The following SEPTIN9 variants were observed in gnomAD, a reference collection of about 807,000 sequenced individuals.
The protein encoded by SEPTIN9 is septin-9.
In SEPTIN9, 13 loss-of-function variants were observed where a neutral mutation model predicts 56.6. That is an observed-to-expected ratio of 0.23 (90% CI 0.15 to 0.37). The LOEUF (loss-of-function observed/expected upper bound fraction) is 0.37, where lower values mean the gene tolerates loss of function less well. Ranked by LOEUF, SEPTIN9 falls within the 10% of genes least tolerant of loss-of-function variation. The pLI is 1.00. For synonymous variants in SEPTIN9, 332 were observed against 334.1 expected (o/e 0.99, Z 0.07); for missense variants, 650 against 823.1 (o/e 0.79, Z 2.57).
At chr17:77,489,370 C>G (rs1218488012) in intron 7 of SEPTIN9, among the ~76,000 whole-genome samples, 1 of 152,180 alleles carries the variant, frequency 6.6e-6, no homozygotes, top group African/African-American at 2.4e-5. Context: ...CGGCTCTGTC[C>G]GCACCTGACG....
intron 2 of SEPTIN9, among the ~76,000 whole-genome samples, chr17:77,379,555 T>C (rs187953370): frequency 1.7e-3 from 261 of 152,226 alleles, no homozygotes; most frequent in Non-Finnish European, 3.0e-3. Flanking sequence ...AGAGCAGAAC[T>C]AGGGTCTCCT....
chr17:77,484,617 T>TG (rs758687118), intron 4 of SEPTIN9, among the ~76,000 whole-genome samples: 2 of 148,818 alleles, frequency 1.3e-5, no homozygotes, highest in African/African-American at 5.0e-5. Flanking sequence ...GTGATGGTGG[T>TG]GATGGGGATG....
Position 77,329,932 on chromosome 17 carries a change from G to A in SEPTIN9, c.76+22735G>A, listed in dbSNP as rs373757004. 6.6e-5 allele frequency among the ~76,000 whole-genome samples: 10 copies of A among 152,268 alleles called. No homozygotes were observed. The highest frequency in any genetic ancestry group is 6.2e-4 in the South Asian group (3 of 4,826). On this transcript the variant is annotated intron_variant, in intron 2 of 11. Transcript: ENST00000427177. The surrounding 1 kb of genome is among the most constrained non-coding windows in gnomAD (Gnocchi z 4.3). ...AGGTCTCCAGACTTGGGGTGGCTTCGGACTGGCCAGGCAGGTGGGTGGGGG... is the reference window on the plus strand; with the variant it reads ...AGGTCTCCAGACTTGGGGTGGCTTCAGACTGGCCAGGCAGGTGGGTGGGGG...
chr17:77,417,121 C>G (rs1240327903), intron 3 of SEPTIN9, among the ~76,000 whole-genome samples: 1 of 152,198 alleles, frequency 6.6e-6, no homozygotes, highest in African/African-American at 2.4e-5. Flanking sequence ...CTCAGTTTCC[C>G]CATTTATAGA....
chr17:77,492,974 C>A lies in SEPTIN9; in HGVS notation c.1477-6C>A. 1.3e-6 allele frequency: 2 copies of A among 1,561,942 alleles called. No homozygotes were observed. The highest frequency in any genetic ancestry group is 1.7e-6 in the Non-Finnish European group (2 of 1,153,080). On this transcript the variant is annotated splice_region_variant and splice_polypyrimidine_tract_variant and intron_variant, in intron 9 of 11. Transcript: ENST00000427177. This position sits in a 1 kb window ranked among gnomAD's most constrained non-coding sequence, Gnocchi z 5.4. Reference sequence around the variant, plus strand: ...GTGTAACCAATACCGTCTGCCCGTTCCCCAGGAGATGATCCCATTTGCTGT... The same window carrying A: ...GTGTAACCAATACCGTCTGCCCGTTACCCAGGAGATGATCCCATTTGCTGT...
intron 2 of SEPTIN9, among the ~76,000 whole-genome samples, chr17:77,392,810 AC>A (rs1486259196): frequency 6.6e-6 from 1 of 151,960 alleles, no homozygotes; most frequent in Non-Finnish European, 1.5e-5. Context: ...CTGTCCCTAA[AC>A]AAATGTGGCT....
chr17:77,405,771 C>T lies in SEPTIN9; in HGVS notation c.721+3068C>T, dbSNP rs144970279. On this transcript the variant is annotated intron_variant, in intron 3 of 11. Transcript: ENST00000427177. This position sits in a 1 kb window ranked among gnomAD's most constrained non-coding sequence, Gnocchi z 5.8. The stretch of plus-strand genomic sequence containing the variant: ...TTCTCCGTCCTCCCTCTCTGTGTCA[C>T]GACCGTTCTGGACACGGATCCAGTT... Among the ~76,000 whole-genome samples the T allele has an allele frequency of 2.3e-4, 35 of 152,292 alleles. No homozygotes were observed. The highest frequency in any genetic ancestry group is 8.4e-4 in the African/African-American group (35 of 41,556).
chr17:77,466,487 C>T lies in SEPTIN9; in HGVS notation c.722-15657C>T, dbSNP rs1415055829. The T allele has an allele frequency of 1.7e-5, 17 of 985,372 alleles. No homozygotes were observed. In the South Asian group the frequency reaches 1.9e-4, roughly 11 times the overall value. 61.0% of individuals were successfully genotyped at this position (985,372 alleles called of 1,614,324 possible). A position where few individuals can be genotyped will look rare whatever the true frequency, so the allele number is the denominator to read the frequency against. Reference sequence around the variant, plus strand: ...CCTGTGTTAGCTGCGTGAGCGTGAGCGAGCCAGGGGTCACTACTGGGTGGA... The same window carrying T: ...CCTGTGTTAGCTGCGTGAGCGTGAGTGAGCCAGGGGTCACTACTGGGTGGA... On this transcript the variant is annotated intron_variant, in intron 3 of 11. Transcript: ENST00000427177.
intron 2 of SEPTIN9, among the ~76,000 whole-genome samples, chr17:77,361,663 C>T (rs554533961): frequency 4.0e-5 from 6 of 150,724 alleles, no homozygotes; most frequent in East Asian, 1.9e-4. Flanking sequence ...GATGGAGTCT[C>T]GCTCTTTCGC....
chr17:77,464,209 G>A lies in SEPTIN9; in HGVS notation c.722-17935G>A, dbSNP rs774333618. On this transcript the variant is annotated intron_variant, in intron 3 of 11. Coordinates refer to ENST00000427177, the MANE Select transcript of SEPTIN9 (RefSeq NM_001113491.2). ...CAGTCTTAGCCTCCTGAGTTTAGCTGGGATTACAAGGTGCCTGCCACCACA... is the reference window on the plus strand; with the variant it reads ...CAGTCTTAGCCTCCTGAGTTTAGCTAGGATTACAAGGTGCCTGCCACCACA... Among the ~76,000 whole-genome samples, 18 of 152,178 alleles carry A rather than the reference G, an allele frequency of 1.2e-4. No individual in the cohort carries two copies. In the South Asian group the frequency reaches 2.5e-3, roughly 21 times the overall value.
At chr17:77,353,278 C>T (rs1213001507) in intron 2 of SEPTIN9, among the ~76,000 whole-genome samples, 1 of 152,180 alleles carries the variant, frequency 6.6e-6, no homozygotes, top group Non-Finnish European at 1.5e-5. Context: ...CAAGGGGCTA[C>T]AGCCACTGTC....
chr17:77,341,885 A>C (rs55945244), intron 2 of SEPTIN9, among the ~76,000 whole-genome samples: 3 of 150,644 alleles, frequency 2.0e-5, no homozygotes, highest in African/African-American at 7.3e-5. Context: ...GATTGAGACC[A>C]TCCTGGCTAA....
chr17:77,414,620 C>T (rs1338192712), intron 3 of SEPTIN9, among the ~76,000 whole-genome samples: 2 of 147,278 alleles, frequency 1.4e-5, no homozygotes, highest in African/African-American at 5.1e-5. Context: ...CTCTGTCACC[C>T]AGGCTGGGGT....
At chr17:77,360,384 C>T (rs920522048) in intron 2 of SEPTIN9, among the ~76,000 whole-genome samples, 18 of 152,192 alleles carry the variant, frequency 1.2e-4, no homozygotes, top group Non-Finnish European at 1.5e-4. Context: ...GCTGCCTGAG[C>T]GTTTTATCCA....
At chr17:77,467,771 G>C (rs2144544423) in intron 3 of SEPTIN9, among the ~76,000 whole-genome samples, 1 of 152,348 alleles carries the variant, frequency 6.6e-6, no homozygotes, top group East Asian at 1.9e-4. Flanking sequence ...GGTGTTACCG[G>C]GGTAGACGGG....
At chr17:77,393,211 G>A (rs2035601255) in intron 2 of SEPTIN9, among the ~76,000 whole-genome samples, 1 of 152,194 alleles carries the variant, frequency 6.6e-6, no homozygotes, top group Non-Finnish European at 1.5e-5. Flanking sequence ...ACAGGTGGCT[G>A]CCCAGCCCCC....
chr17:77,450,672 G>C lies in SEPTIN9; in HGVS notation c.722-31472G>C. 1 of 986,276 alleles carries C rather than the reference G, an allele frequency of 1.0e-6. No homozygotes were observed. Among genetic ancestry groups the C allele is most frequent in the Non-Finnish European group, 1.2e-6 (1 of 830,662 alleles). The allele number at this position is 986,276 out of a possible 1,614,324, so 61.1% of individuals were successfully genotyped here. A position where few individuals can be genotyped will look rare whatever the true frequency, so the allele number is the denominator to read the frequency against. ...TCCCAGCACATCCCAGGCCTGCAGG[G>C]AGGGGGAGAGGAAGAGACTGACTCA... On this transcript the variant is annotated intron_variant, in intron 3 of 11. Transcript: ENST00000427177. This position sits in a 1 kb window ranked among gnomAD's most constrained non-coding sequence, Gnocchi z 6.0.
chr17:77,482,123 C>G, intron 3 of SEPTIN9, 21 bp from the exon 4 acceptor site: 1 of 1,547,466 alleles, frequency 6.5e-7, no homozygotes, highest in South Asian at 1.2e-5. Flanking sequence ...CGCTCTAACT[C>G]CTCTGCTGTT....
intron 2 of SEPTIN9, among the ~76,000 whole-genome samples, chr17:77,322,110 A>G (rs916530251): frequency 3.9e-5 from 6 of 152,174 alleles, no homozygotes; most frequent in African/African-American, 1.4e-4. Context: ...TTCGGCCTTC[A>G]CTTTATAGAT....
Sources: gnomAD v4.1 joint callset for allele counts (sites outside exome capture counted in the v4.1 genomes callset) on GRCh38, gnomAD v4.1.1 for gene constraint, Gnocchi (gnomAD v3.1) non-coding constraint, MANE v1.5 for transcripts, NCBI Gene and HGNC (gene_info 2026-07-23, HGNC 2026-07-21) for gene names.